SAMD12: variants seen among roughly 807,000 people sequenced by gnomAD.
SAMD12 encodes the protein sterile alpha motif domain-containing protein 12.
SAMD12 carries 9 observed loss-of-function variants against 15.0 expected under a neutral mutation model. The ratio of observed to expected loss-of-function variants is 0.60; its 90% CI spans 0.36 to 1.05. The LOEUF is 1.05. Ranked by LOEUF, SAMD12 falls within the 50% of genes least tolerant of loss-of-function variation. The probability of loss-of-function intolerance (pLI) is 0.01; values close to 1 mark genes in which losing one functional copy is unlikely to be tolerated. For missense variants in SAMD12, 230 were observed against 234.2 expected, an observed-to-expected ratio of 0.98 and a Z score of 0.12; for synonymous variants, 86 against 90.1, an observed-to-expected ratio of 0.96 and a Z score of 0.25.
chr8:118,551,617 C>T (rs1225885730), intron 2 of SAMD12, among the ~76,000 whole-genome samples: 52 of 151,892 alleles, frequency 3.4e-4, no homozygotes, highest in African/African-American at 1.2e-3. Flanking sequence ...ACTAAAAGAA[C>T]TAGAAAAGCA....
At chr8:118,541,795 C>T (rs542370302) in intron 2 of SAMD12, among the ~76,000 whole-genome samples, 4 of 152,104 alleles carry the variant, frequency 2.6e-5, no homozygotes, top group African/African-American at 4.8e-5. Context: ...CACAAAGGTA[C>T]GAATTGATCA....
intron 2 of SAMD12, among the ~76,000 whole-genome samples, chr8:118,519,505 G>A (rs1288105982): frequency 2.0e-5 from 3 of 152,152 alleles, no homozygotes; most frequent in Non-Finnish European, 4.4e-5. Flanking sequence ...TTTTTCTAAT[G>A]AATGTAGTAC....
chr8:118,501,558 C>A (rs1388027286), intron 2 of SAMD12, among the ~76,000 whole-genome samples: 1 of 152,184 alleles, frequency 6.6e-6, no homozygotes, highest in Non-Finnish European at 1.5e-5. Context: ...TGGACATCAG[C>A]CCTCTGAGTG....
chr8:118,232,761 GA>G (rs1239491270), intron 4 of SAMD12, among the ~76,000 whole-genome samples: 1 of 152,244 alleles, frequency 6.6e-6, no homozygotes, highest in East Asian at 1.9e-4. Context: ...AGTTATTCTT[GA>G]CCTGAGTCAC....
exon 5 of SAMD12, chr8:118,189,480 A>C (rs1819300737): frequency 1.3e-5 from 2 of 152,214 alleles, no homozygotes; most frequent in East Asian, 3.8e-4. Flanking sequence ...GAAATCCCAC[A>C]TTTTAATACA....
rs56786266 is a variant in SAMD12, at chr8:118,296,904, A to G, written c.433+82656T>C. 8.7e-3 allele frequency among the ~76,000 whole-genome samples: 1,333 copies of G among 152,346 alleles called. 27 individuals are homozygous for G. Among genetic ancestry groups the G allele is most frequent in the South Asian group, 0.05 (242 of 4,824 alleles). On this transcript the variant is annotated intron_variant, in intron 4 of 4. Transcript: ENST00000409003. ...GTGCTAGGCACTGTTCTAAGTGCCTAGGATACAACAGTGTACAAAACAGAT... is the reference window on the plus strand; with the variant it reads ...GTGCTAGGCACTGTTCTAAGTGCCTGGGATACAACAGTGTACAAAACAGAT...
the SAMD12 span, among the ~76,000 whole-genome samples, chr8:118,138,049 G>A: frequency 3.9e-5 from 6 of 152,062 alleles, no homozygotes; most frequent in African/African-American, 1.4e-4. Context: ...AAGAAGAGGT[G>A]TGGGACAGAC....
In SAMD12 at chr8:118,276,669, A is replaced by G. The variant is rs116594191; in HGVS notation, c.434-78937T>C. 6.5e-3 allele frequency among the ~76,000 whole-genome samples: 995 copies of G among 152,070 alleles called. 12 individuals carry two copies. The highest frequency in any genetic ancestry group is 0.023 in the African/African-American group (940 of 41,486). ...TTTGTAGTATTTGTTTCATTTTTCTATATTTCTTCTTGACTTCTTTTGAGA... is the reference window on the plus strand; with the variant it reads ...TTTGTAGTATTTGTTTCATTTTTCTGTATTTCTTCTTGACTTCTTTTGAGA... On this transcript the variant is annotated intron_variant, in intron 4 of 4. Transcript: ENST00000409003.
intron 2 of SAMD12, among the ~76,000 whole-genome samples, chr8:118,578,084 CA>C (rs1827195958): frequency 6.6e-6 from 1 of 152,172 alleles, no homozygotes; most frequent in African/African-American, 2.4e-5. Flanking sequence ...TGCTCTTATA[CA>C]GAGACAGACA....
intron 4 of SAMD12, among the ~76,000 whole-genome samples, chr8:118,274,441 C>A (rs537531573): frequency 6.6e-6 from 1 of 152,022 alleles, no homozygotes; most frequent in Non-Finnish European, 1.5e-5. Context: ...TTATACATTA[C>A]GAAATGACAG....
chr8:118,134,190 TTCCGGGTC>T, the SAMD12 span, among the ~76,000 whole-genome samples: 1 of 152,226 alleles, frequency 6.6e-6, no homozygotes, highest in Non-Finnish European at 1.5e-5. Flanking sequence ...AAATGGCAGC[TTCCGGGTC>T]TCATCTGTAT....
Position 118,298,513 on chromosome 8 carries a change from C to A in SAMD12, c.433+81047G>T, listed in dbSNP as rs533013736. 3.3e-5 allele frequency among the ~76,000 whole-genome samples: 5 copies of A among 152,270 alleles called. No individual in the cohort carries two copies. The South Asian group carries it at 1.0e-3, about 32-fold the overall frequency. ...CTGCCTATCCTAGTGAACTGCCACC[C>A]AGACATAACCATTACTAATTATTTT... On this transcript the variant is annotated intron_variant, in intron 4 of 4. Transcript: ENST00000409003.
chr8:118,201,361 C>A (rs1170336972), intron 4 of SAMD12, among the ~76,000 whole-genome samples: 1 of 152,170 alleles, frequency 6.6e-6, no homozygotes, highest in Non-Finnish European at 1.5e-5. Context: ...TCTTTCACAA[C>A]CACCTAGAGC....
At chr8:118,262,384 A>G (rs1813100423) in intron 4 of SAMD12, among the ~76,000 whole-genome samples, 1 of 152,116 alleles carries the variant, frequency 6.6e-6, no homozygotes, top group Non-Finnish European at 1.5e-5. Context: ...CACCATTTAC[A>G]TTTCTGTTAA....
In SAMD12 at chr8:118,556,963, C is replaced by CA. The variant is rs369315866; in HGVS notation, c.192+23751dup. 7.1e-3 allele frequency among the ~76,000 whole-genome samples: 993 copies of CA among 138,908 alleles called. 13 individuals carry two copies. Among genetic ancestry groups the CA allele is most frequent in the African/African-American group, 0.023 (879 of 37,802 alleles). 91.1% of individuals were successfully genotyped at this position (138,908 alleles called of 152,430 possible). A position where few individuals can be genotyped will look rare whatever the true frequency, so the allele number is the denominator to read the frequency against. The stretch of plus-strand genomic sequence containing the variant: ...CAGGCGACAGTGCGAGACTCCATCT[C>CA]AAAAAAAAAAGAAAGAAAGAAAGAA... On this transcript the variant is annotated intron_variant, in intron 2 of 3. Coordinates refer to ENST00000314727, the MANE Select transcript of SAMD12 (RefSeq NM_207506.3).
chr8:118,349,806 C>T (rs1817865013), intron 4 of SAMD12, among the ~76,000 whole-genome samples: 1 of 152,146 alleles, frequency 6.6e-6, no homozygotes, highest in South Asian at 2.1e-4. Flanking sequence ...TACCTGTTTT[C>T]ACAGTACAGA....
chr8:118,552,525 G>C (rs569209123), intron 2 of SAMD12, among the ~76,000 whole-genome samples: 1 of 152,116 alleles, frequency 6.6e-6, no homozygotes, highest in Non-Finnish European at 1.5e-5. Context: ...ATGGGACGAC[G>C]TATTTCAAAA....
intron 4 of SAMD12, among the ~76,000 whole-genome samples, chr8:118,199,097 A>G (rs1819641795): frequency 6.6e-6 from 1 of 152,222 alleles, no homozygotes; most frequent in Non-Finnish European, 1.5e-5. Context: ...GGAAACAGTT[A>G]TGATATACTA....
At chr8:118,290,391 G>A (rs577392456) in intron 4 of SAMD12, among the ~76,000 whole-genome samples, 2 of 152,290 alleles carry the variant, frequency 1.3e-5, no homozygotes, top group East Asian at 3.9e-4. Context: ...AAACTGTAGT[G>A]TGTTGGTCTT....
Sources: gnomAD v4.1 joint callset for allele counts (sites outside exome capture counted in the v4.1 genomes callset) on GRCh38, gnomAD v4.1.1 for gene constraint, MANE v1.5 for transcripts, NCBI Gene and HGNC (gene_info 2026-07-23, HGNC 2026-07-21) for gene names.